The following SCUBE1 variants were observed in gnomAD, a reference collection of about 807,000 sequenced individuals.
SCUBE1 encodes the protein signal peptide, CUB domain and EGF like domain containing 1.
SCUBE1 carries 59 observed loss-of-function variants against 124.4 expected under a neutral mutation model. The observed-to-expected ratio is 0.47, with a 90% CI of 0.38 to 0.59. The LOEUF (loss-of-function observed/expected upper bound fraction) is 0.59, where lower values mean the gene tolerates loss of function less well. Ranked by LOEUF, SCUBE1 falls within the 20% of genes least tolerant of loss-of-function variation. The probability of loss-of-function intolerance (pLI) is 0.00; values close to 1 mark genes in which losing one functional copy is unlikely to be tolerated. For missense variants in SCUBE1, 1,150 were observed against 1,371.2 expected (o/e 0.84, Z 2.55); for synonymous variants, 545 against 550.9 (o/e 0.99, Z 0.15).
At chr22:43,262,283 T>TC (rs1273372408) in intron 5 of SCUBE1, among the ~76,000 whole-genome samples, 1 of 152,180 alleles carries the variant, frequency 6.6e-6, no homozygotes, top group East Asian at 1.9e-4. Flanking sequence ...TGTGCAGAGT[T>TC]CTGATCTTTG....
intron 2 of SCUBE1, among the ~76,000 whole-genome samples, chr22:43,335,726 C>T (rs1468992601): frequency 5.3e-5 from 8 of 150,010 alleles, no homozygotes; most frequent in Admixed American, 1.3e-4. Flanking sequence ...ACTTTGACAG[C>T]TAGTGAGAAC....
At chr22:43,284,789 T>C (rs1412175845) in intron 4 of SCUBE1, among the ~76,000 whole-genome samples, 1 of 152,186 alleles carries the variant, frequency 6.6e-6, no homozygotes, top group Non-Finnish European at 1.5e-5. Flanking sequence ...GTCATCATCA[T>C]CATCACATTA....
At chr22:43,212,717 T>G in intron 16 of SCUBE1, 125 bp from the exon 17 acceptor site, 21 of 578,324 alleles carry the variant, frequency 3.6e-5, no homozygotes, top group East Asian at 1.2e-4. Context: ...ACCCGAGGCC[T>G]GGGGTGGGGA....
At chr22:43,308,131 G>A (rs75945710) in intron 3 of SCUBE1, among the ~76,000 whole-genome samples, 3,923 of 152,276 alleles carry the variant, frequency 0.026, 173 homozygotes, top group African/African-American at 0.089. Context: ...TAGCGATTTG[G>A]GAAAAGAAGG....
At chr22:43,334,903 G>C (rs1170759109) in intron 2 of SCUBE1, among the ~76,000 whole-genome samples, 5 of 152,130 alleles carry the variant, frequency 3.3e-5, no homozygotes, top group Non-Finnish European at 7.3e-5. Flanking sequence ...TAAATGACTT[G>C]CCCAGGCTAC....
At chr22:43,327,718 C>A (rs887790580) in intron 2 of SCUBE1, among the ~76,000 whole-genome samples, 1 of 151,994 alleles carries the variant, frequency 6.6e-6, no homozygotes, top group South Asian at 2.1e-4. Context: ...ACCCGGGAGG[C>A]GGAGGTTGCA....
chr22:43,343,183 C>A lies in SCUBE1; in HGVS notation c.79G>T (p.Gly27Trp). ...TCGGTCGGGGGCTTACCTGGGAGCC[C>A]GCTGCCCCCGGCCAGCCGCCCGCGT... ...GTRGRLAGGS[G>W]LPGSVDVDEC... The change falls in exon 1 of 22, where the codon GGG becomes TGG. Residue 27 changes from glycine (G) to tryptophan (W), a missense_variant. By Grantham distance (184) the Gly-to-Trp change is radical (BLOSUM62 -2). Transcript: ENST00000360835. 1 of 1,181,642 alleles carries A rather than the reference C, an allele frequency of 8.5e-7. No homozygotes were observed. Among genetic ancestry groups the A allele is most frequent in the Non-Finnish European group, 1.0e-6 (1 of 955,880 alleles). The allele number at this position is 1,181,642 out of a possible 1,614,324, so 73.2% of individuals were successfully genotyped here.
chr22:43,335,187 T>C lies in SCUBE1; in HGVS notation c.220+3917A>G, dbSNP rs563995297. 6.6e-5 allele frequency among the ~76,000 whole-genome samples: 10 copies of C among 152,338 alleles called. No homozygotes were observed. The South Asian group carries it at 2.1e-3, about 32-fold the overall frequency. The stretch of plus-strand genomic sequence containing the variant: ...TGGTTTCCCAGCTCCCTCAGGCCAC[T>C]GCTGCACATGGTGCCCCTTCAGATT... On this transcript the variant is annotated intron_variant, in intron 2 of 21. Coordinates refer to ENST00000360835, the MANE Select transcript of SCUBE1 (RefSeq NM_173050.5).
In SCUBE1 at chr22:43,229,172, G is replaced by A. The variant is rs577292050; in HGVS notation, c.984C>T (p.Ser328=). 9.3e-6 allele frequency: 15 copies of A among 1,613,914 alleles called. No homozygotes were observed. The African/African-American group carries it at 1.1e-4, about 11-fold the overall frequency. ...ERTCQDIDEC[S]FERTCDHICI... is the part of the protein sequence containing the mutation. Reference sequence around the variant, plus strand: ...AGATGTGGTCACAGGTCCGCTCGAAGGAGCACTCGTCGATGTCTGCGTGGC... The same window carrying A: ...AGATGTGGTCACAGGTCCGCTCGAAAGAGCACTCGTCGATGTCTGCGTGGC... Residue 328 remains serine (S), a synonymous_variant, in exon 9 of 22, where the codon TCC becomes TCT. Coordinates refer to ENST00000360835, the MANE Select transcript of SCUBE1 (RefSeq NM_173050.5).
Position 43,203,927 on chromosome 22 carries a change from G to A in SCUBE1, c.*70C>T. 6.6e-7 allele frequency: 1 copy of A among 1,520,264 alleles called. No individual in the cohort carries two copies. The allele number at this position is 1,520,264 out of a possible 1,614,324, so 94.2% of individuals were successfully genotyped here. On this transcript the variant is annotated 3_prime_UTR_variant, in exon 22 of 22. Coordinates refer to ENST00000360835, the MANE Select transcript of SCUBE1 (RefSeq NM_173050.5). ...CCAAGGTGGTGTGGAGGCCCATGCA[G>A]CTCCCACTGTGGAGGGCAGGTGCAC...
rs1923926820 is a variant in SCUBE1, at chr22:43,262,932, A to T, written c.485-87T>A. ...TCAGGCTGAAAGGGGATAGCCAATG[A>T]TATGTAACAATCAAATGGGCTGTCA... On this transcript the variant is annotated intron_variant, in intron 4 of 21. Transcript: ENST00000360835. 27 of 1,421,508 alleles carry T rather than the reference A, an allele frequency of 1.9e-5. 1 individual carries two copies. The Middle Eastern group carries it at 2.0e-3, about 104-fold the overall frequency. 88.1% of individuals were successfully genotyped at this position (1,421,508 alleles called of 1,614,324 possible). A position where few individuals can be genotyped will look rare whatever the true frequency, so the allele number is the denominator to read the frequency against.
chr22:43,226,737 C>T (rs1922324226), intron 10 of SCUBE1, among the ~76,000 whole-genome samples: 1 of 151,968 alleles, frequency 6.6e-6, no homozygotes, highest in Non-Finnish European at 1.5e-5. Context: ...GGCAAGGACC[C>T]GGCGTGGAGG....
At chr22:43,276,011 G>T in intron 4 of SCUBE1, 1 of 152,750 alleles carries the variant, frequency 6.5e-6, no homozygotes, top group Non-Finnish European at 1.5e-5. Flanking sequence ...GGGTTTGGGA[G>T]GTGAGTAGAG....
At position 43,319,892 on chromosome 22, in the gene SCUBE1, C is replaced by T. The variant is rs376518770; in HGVS notation, c.349+45G>A. The T allele has an allele frequency of 3.1e-6, 5 of 1,602,056 alleles. No homozygotes were observed. The African/African-American group carries it at 6.7e-5, about 21-fold the overall frequency. ...AACTCTGTAAGCTGGAGCAAAGCAACAGGCAGGGTGTGCCCAGAGGGTAGG... is the reference window on the plus strand; with the variant it reads ...AACTCTGTAAGCTGGAGCAAAGCAATAGGCAGGGTGTGCCCAGAGGGTAGG... On this transcript the variant is annotated intron_variant, in intron 3 of 21. Transcript: ENST00000360835.
intron 4 of SCUBE1, among the ~76,000 whole-genome samples, chr22:43,277,990 A>C (rs1407165117): frequency 1.3e-5 from 2 of 152,202 alleles, no homozygotes; most frequent in Non-Finnish European, 2.9e-5. Context: ...GCTTAGGGGA[A>C]ATTTATACCA....
At chr22:43,204,178 G>A in intron 21 of SCUBE1, 29 bp from the exon 22 acceptor site, 1 of 1,611,600 alleles carries the variant, frequency 6.2e-7, no homozygotes, top group Non-Finnish European at 8.5e-7. Flanking sequence ...GGGAGGCAGG[G>A]GAGGCTTGGG....
chr22:43,226,241 C>T (rs1243401827), intron 10 of SCUBE1, among the ~76,000 whole-genome samples: 1 of 152,110 alleles, frequency 6.6e-6, no homozygotes, highest in Admixed American at 6.5e-5. Flanking sequence ...AGACATACAC[C>T]AACACGAACC....
intron 3 of SCUBE1, among the ~76,000 whole-genome samples, chr22:43,295,501 C>T (rs1004136914): frequency 2.8e-4 from 42 of 150,212 alleles, no homozygotes; most frequent in African/African-American, 9.0e-4. Flanking sequence ...AGCTCACTAC[C>T]GCCAAGGGAC....
intron 6 of SCUBE1, among the ~76,000 whole-genome samples, chr22:43,241,399 G>C (rs550561060): frequency 6.6e-6 from 1 of 152,176 alleles, no homozygotes; most frequent in East Asian, 1.9e-4. Context: ...GATCCGGTAC[G>C]GAGCATCAGA....
Sources: allele counts gnomAD v4.1 joint callset (sites outside exome capture counted in the v4.1 genomes callset), GRCh38; gene constraint gnomAD v4.1.1; transcripts MANE v1.5; gene names NCBI Gene and HGNC (gene_info 2026-07-23, HGNC 2026-07-21).